UNC50: variants seen among roughly 807,000 people sequenced by gnomAD.
UNC50 encodes the protein protein unc-50 homolog.
A neutral mutation model predicts 31.5 loss-of-function variants in UNC50; 24 were observed. The observed-to-expected ratio is 0.76, with a 90% CI of 0.55 to 1.07. The LOEUF (loss-of-function observed/expected upper bound fraction) is 1.07, where lower values mean the gene tolerates loss of function less well. Ranked by LOEUF, UNC50 falls within the 50% of genes least tolerant of loss-of-function variation. The probability of loss-of-function intolerance (pLI) is 0.00; values close to 1 mark genes in which losing one functional copy is unlikely to be tolerated. For synonymous variants in UNC50, 118 were observed against 114.7 expected (o/e 1.03, Z -0.18); for missense variants, 245 against 304.2 (o/e 0.81, Z 1.45).
At chr2:98,616,065 T>TC in intron 3 of UNC50, 142 bp from the exon 4 acceptor site, 1 of 721,484 alleles carries the variant, frequency 1.4e-6, no homozygotes, top group South Asian at 2.0e-5. Flanking sequence ...CAGCCTTCCT[T>TC]CCTAGATGGA....
chr2:98,609,118 G>A (rs1256560552), intron 1 of UNC50: 1 of 154,036 alleles, frequency 6.5e-6, no homozygotes, highest in African/African-American at 2.4e-5. Flanking sequence ...GGGGGCCTGC[G>A]AAGTGGAGGG....
At position 98,618,358 on chromosome 2, in the gene UNC50, A is replaced by G. The variant is rs1700975217; in HGVS notation, c.*54A>G. The stretch of plus-strand genomic sequence containing the variant: ...GTGTCAACAGTATTGTGAAGTGATC[A>G]TTTCTTGTAAAACTTGTAAATAAAC... On this transcript the variant is annotated 3_prime_UTR_variant, in exon 6 of 6. Coordinates refer to ENST00000357765, the MANE Select transcript of UNC50 (RefSeq NM_014044.7). 1 of 1,499,730 alleles carries G rather than the reference A, an allele frequency of 6.7e-7. No homozygotes were observed. The highest frequency in any genetic ancestry group is 1.4e-5 in the African/African-American group (1 of 70,648). The allele number at this position is 1,499,730 out of a possible 1,614,324, so 92.9% of individuals were successfully genotyped here.
At chr2:98,613,201 C>T (rs1700864826) in intron 3 of UNC50, among the ~76,000 whole-genome samples, 1 of 152,162 alleles carries the variant, frequency 6.6e-6, no homozygotes, top group African/African-American at 2.4e-5. Context: ...AGAATTAATA[C>T]TAATGTAAGT....
intron 3 of UNC50, among the ~76,000 whole-genome samples, chr2:98,613,716 C>G (rs969478281): frequency 6.6e-6 from 1 of 152,144 alleles, no homozygotes; most frequent in African/African-American, 2.4e-5. Context: ...AGAAGGGGAC[C>G]AAATCAGCCT....
intron 3 of UNC50, among the ~76,000 whole-genome samples, chr2:98,612,421 T>C (rs1383926810): frequency 1.3e-5 from 2 of 152,178 alleles, no homozygotes; most frequent in African/African-American, 4.8e-5. Context: ...TTTTTTTTTT[T>C]TTCTTTGAGA....
chr2:98,618,057 T>C, intron 5 of UNC50, 111 bp from the exon 6 acceptor site: 1 of 1,132,962 alleles, frequency 8.8e-7, no homozygotes, highest in East Asian at 2.6e-5. Context: ...ATTCAAAATA[T>C]GCATTCCCTT....
chr2:98,609,348 C>T (rs1035587585), intron 1 of UNC50: 2 of 258,310 alleles, frequency 7.7e-6, no homozygotes, highest in Non-Finnish European at 7.6e-6. Flanking sequence ...TCTTCAGTAA[C>T]ACTGTTCTAA....
At chr2:98,609,585 C>A in intron 1 of UNC50, 171 bp from the exon 2 acceptor site, 1 of 1,019,400 alleles carries the variant, frequency 9.8e-7, no homozygotes, top group Non-Finnish European at 1.4e-6. Flanking sequence ...GGTTCCCAAG[C>A]CCCAAGACCC....
chr2:98,615,478 C>A (rs1427263050), intron 3 of UNC50, among the ~76,000 whole-genome samples: 3 of 152,232 alleles, frequency 2.0e-5, no homozygotes, highest in Non-Finnish European at 4.4e-5. Flanking sequence ...TTGTTCAAGG[C>A]AGAAATCTCT....
intron 3 of UNC50, among the ~76,000 whole-genome samples, chr2:98,613,889 G>A (rs1700878302): frequency 6.6e-6 from 1 of 152,244 alleles, no homozygotes. Context: ...GCATAAGGTG[G>A]TGGTTTGTGG....
At chr2:98,618,118 C>A in intron 5 of UNC50, 50 bp from the exon 6 acceptor site, 2 of 1,290,036 alleles carry the variant, frequency 1.6e-6, no homozygotes, top group South Asian at 1.5e-5. Flanking sequence ...ATTTATTAGT[C>A]ATTTATTTTT....
rs1264153323 is a variant in UNC50 at position 98,608,644 on chromosome 2, C to A, written c.-87C>A. ...CGGCTCCGTTGAGGGAAGGGAAGCC[C>A]GCCCGGTGGCGGCTGGGGTCGGCTG... On this transcript the variant is annotated 5_prime_UTR_variant, in exon 1 of 6. Transcript: ENST00000357765. 7.1e-6 allele frequency: 4 copies of A among 563,482 alleles called. No homozygotes were observed. In the Admixed American group the frequency reaches 9.3e-5, roughly 13 times the overall value. The allele number at this position is 563,482 out of a possible 1,614,324, so 34.9% of individuals were successfully genotyped here.
At chr2:98,610,341 G>A (rs1484431186) in intron 2 of UNC50, among the ~76,000 whole-genome samples, 1 of 152,138 alleles carries the variant, frequency 6.6e-6, no homozygotes, top group Non-Finnish European at 1.5e-5. Flanking sequence ...ATATGAAACT[G>A]GAAATTGCAT....
At chr2:98,614,928 GATGAA>G (rs1476314315) in intron 3 of UNC50, among the ~76,000 whole-genome samples, 1 of 152,142 alleles carries the variant, frequency 6.6e-6, no homozygotes, top group Admixed American at 6.5e-5. Context: ...GTACCCTTGA[GATGAA>G]ATGAAATAAT....
chr2:98,618,038 A>ATCTT (rs1700962588), intron 5 of UNC50, 130 bp from the exon 6 acceptor site: 2 of 991,042 alleles, frequency 2.0e-6, no homozygotes, highest in Admixed American at 2.9e-5. Context: ...AAATAGCATC[A>ATCTT]TCTTACTGAT....
At position 98,618,377 on chromosome 2, in the gene UNC50, A is replaced by AATAAACT. The variant is rs1700975887; in HGVS notation, c.*76_*82dup. 1 of 1,455,904 alleles carries AATAAACT rather than the reference A, an allele frequency of 6.9e-7. No homozygotes were observed. The allele number at this position is 1,455,904 out of a possible 1,614,324, so 90.2% of individuals were successfully genotyped here. A position where few individuals can be genotyped will look rare whatever the true frequency, so the allele number is the denominator to read the frequency against. ...GTGATCATTTCTTGTAAAACTTGTA[A>AATAAACT]ATAAACTATCATCTTTGTAGATATC... On this transcript the variant is annotated 3_prime_UTR_variant, in exon 6 of 6. Coordinates refer to ENST00000357765, the MANE Select transcript of UNC50 (RefSeq NM_014044.7).
chr2:98,616,836 A>G (rs1306615998), intron 5 of UNC50, among the ~76,000 whole-genome samples: 2 of 152,210 alleles, frequency 1.3e-5, no homozygotes, highest in South Asian at 2.1e-4. Context: ...TTATCTCCAG[A>G]TGACTTGCAG....
chr2:98,608,936 A>AC, intron 1 of UNC50: 1 of 205,374 alleles, frequency 4.9e-6, no homozygotes, highest in South Asian at 6.7e-5. Context: ...TAGTATAAGC[A>AC]TGTCCGAAAT....
Position 98,618,220 on chromosome 2 carries a change from G to A in UNC50, c.696G>A (p.Leu232=), listed in dbSNP as rs139454862. 5.3e-4 allele frequency: 857 copies of A among 1,609,646 alleles called. 4 individuals carry two copies. Among genetic ancestry groups the A allele is most frequent in the Middle Eastern group, 6.6e-4 (4 of 6,044 alleles). Residue 232 remains leucine, a synonymous_variant, in exon 6 of 6, where the codon CTG becomes CTA. Coordinates refer to ENST00000357765, the MANE Select transcript of UNC50 (RefSeq NM_014044.7). ...TVILLYPFAP[L]ILLYGLSLAL... Reference sequence around the variant, plus strand: ...TTCTTCTGTATCCATTTGCACCTCTGATTCTGCTCTACGGGCTTTCCCTGG... The same window carrying A: ...TTCTTCTGTATCCATTTGCACCTCTAATTCTGCTCTACGGGCTTTCCCTGG...
Sources: gnomAD v4.1 joint callset for allele counts (sites outside exome capture counted in the v4.1 genomes callset) on GRCh38, gnomAD v4.1.1 for gene constraint, MANE v1.5 for transcripts, NCBI Gene and HGNC (gene_info 2026-07-23, HGNC 2026-07-21) for gene names.